Variants in CD36 observed in about 807,000 individuals in gnomAD.
The protein encoded by CD36 is CD36 molecule (CD36 blood group), also known as platelet glycoprotein 4.
In CD36, 119 loss-of-function variants were observed where a neutral mutation model predicts 55.2. That is an observed-to-expected ratio of 2.15 (90% CI 1.86 to 2.51). The LOEUF is 2.51. Ranked by LOEUF, CD36 falls within the 30% of genes most tolerant of loss-of-function variation. CD36 has a pLI of 0.00. For synonymous variants in CD36, 186 were observed against 193.6 expected, an observed-to-expected ratio of 0.96 and a Z score of 0.33; for missense variants, 819 against 555.5, an observed-to-expected ratio of 1.47 and a Z score of -4.77.
chr7:80,610,186 C>G (rs901295568), intron 1 of CD36, among the ~76,000 whole-genome samples: 9 of 152,156 alleles, frequency 5.9e-5, no homozygotes, highest in African/African-American at 2.2e-4. Context: ...AAATGTTTAA[C>G]TTGGTATTCA....
intron 1 of CD36, among the ~76,000 whole-genome samples, chr7:80,631,527 G>C (rs960668345): frequency 1.3e-5 from 2 of 151,386 alleles, no homozygotes; most frequent in Non-Finnish European, 2.9e-5. Flanking sequence ...CAAAGTGAAG[G>C]TTTTACTCTA....
chr7:80,619,356 T>C (rs1793330691), intron 1 of CD36, among the ~76,000 whole-genome samples: 1 of 152,168 alleles, frequency 6.6e-6, no homozygotes, highest in Admixed American at 6.5e-5. Flanking sequence ...CAACATCAGT[T>C]TTATAGCCCA....
intron 3 of CD36, among the ~76,000 whole-genome samples, chr7:80,653,992 C>T (rs1263464709): frequency 6.6e-6 from 1 of 152,132 alleles, no homozygotes; most frequent in Non-Finnish European, 1.5e-5. Context: ...CTCTAGAACC[C>T]ATTTTCCACC....
At chr7:80,648,899 T>C (rs1350540412) in intron 3 of CD36, among the ~76,000 whole-genome samples, 2 of 151,992 alleles carry the variant, frequency 1.3e-5, no homozygotes, top group Non-Finnish European at 2.9e-5. Context: ...GCAGTGAAGA[T>C]GGAAGGAAGA....
intron 1 of CD36, among the ~76,000 whole-genome samples, chr7:80,644,549 C>T (rs868473160): frequency 6.6e-6 from 1 of 152,072 alleles, no homozygotes; most frequent in Non-Finnish European, 1.5e-5. Flanking sequence ...AACATTTATT[C>T]CTACATTTTG....
chr7:80,640,676 A>G (rs1794743432), intron 1 of CD36, among the ~76,000 whole-genome samples: 1 of 152,054 alleles, frequency 6.6e-6, no homozygotes, highest in South Asian at 2.1e-4. Context: ...GAATGGGTCT[A>G]GATAATACTC....
chr7:80,666,532 C>T, intron 8 of CD36, 43 bp downstream of exon 8: 1 of 1,429,818 alleles, frequency 7.0e-7, no homozygotes, highest in Non-Finnish European at 9.9e-7. Flanking sequence ...AATCCACCTC[C>T]CTTTCCCACA....
chr7:80,645,089 C>T lies in CD36; in HGVS notation c.-183-999C>T, dbSNP rs1328967207. Among the ~76,000 whole-genome samples, 5 of 150,274 alleles carry T rather than the reference C, an allele frequency of 3.3e-5. No homozygotes were observed. In the East Asian group the frequency reaches 1.0e-3, roughly 30 times the overall value. On this transcript the variant is annotated intron_variant, in intron 1 of 14. Coordinates refer to ENST00000447544, the MANE Select transcript of CD36 (RefSeq NM_001001548.3). ...AGGCTGGAGTGCAATGGCATGATCTCGGCTCACCGCAACCTCCGCCTCCTG... is the reference window on the plus strand; with the variant it reads ...AGGCTGGAGTGCAATGGCATGATCTTGGCTCACCGCAACCTCCGCCTCCTG...
intron 1 of CD36, among the ~76,000 whole-genome samples, chr7:80,627,607 TA>T (rs923324016): frequency 6.6e-6 from 1 of 151,056 alleles, no homozygotes; most frequent in Admixed American, 6.6e-5. Flanking sequence ...GATTGGCATG[TA>T]AAAAAAAATT....
intron 1 of CD36, among the ~76,000 whole-genome samples, chr7:80,609,252 C>T (rs1316093085): frequency 3.3e-5 from 5 of 152,114 alleles, no homozygotes; most frequent in Admixed American, 1.3e-4. Context: ...TACACTGTAC[C>T]GAATCCTTAC....
At position 80,676,978 on chromosome 7, in the gene CD36, G is replaced by C. The variant is rs1798185527; in HGVS notation, c.*595G>C. 6.6e-6 allele frequency: 1 copy of C among 151,990 alleles called. No individual in the cohort carries two copies. The highest frequency in any genetic ancestry group is 1.5e-5 in the Non-Finnish European group (1 of 67,988). 9.4% of individuals were successfully genotyped at this position (151,990 alleles called of 1,614,324 possible). On this transcript the variant is annotated 3_prime_UTR_variant, in exon 15 of 15. Coordinates refer to ENST00000447544, the MANE Select transcript of CD36 (RefSeq NM_001001548.3). The stretch of plus-strand genomic sequence containing the variant: ...CTGTCATAATCGCCTCATAAAGACA[G>C]GTTTCAACCATTAAAATATGTTCTT...
intron 1 of CD36, among the ~76,000 whole-genome samples, chr7:80,621,422 A>C (rs1236037282): frequency 6.6e-6 from 1 of 152,198 alleles, no homozygotes; most frequent in African/African-American, 2.4e-5. Flanking sequence ...TGTGACTAGC[A>C]ATAATTTATA....
At chr7:80,642,236 T>G (rs1163048919) in intron 1 of CD36, among the ~76,000 whole-genome samples, 1 of 152,164 alleles carries the variant, frequency 6.6e-6, no homozygotes, top group Admixed American at 6.6e-5. Context: ...TATCAATATC[T>G]TGTCTGTTTC....
chr7:80,634,178 G>C, upstream of CD36, among the ~76,000 whole-genome samples: 1 of 152,010 alleles, frequency 6.6e-6, no homozygotes, highest in Non-Finnish European at 1.5e-5. Flanking sequence ...GCCTAGTAAG[G>C]AGAGATGATT....
intron 5 of CD36, chr7:80,662,578 C>G (rs1796627376): frequency 4.0e-6 from 1 of 249,900 alleles, no homozygotes; most frequent in Non-Finnish European, 8.0e-6. Context: ...TGGGACCAGA[C>G]TTATGGCTTT....
At chr7:80,612,863 T>C (rs1288200412) in intron 1 of CD36, among the ~76,000 whole-genome samples, 1 of 152,148 alleles carries the variant, frequency 6.6e-6, no homozygotes, top group Non-Finnish European at 1.5e-5. Context: ...ACACTTTATA[T>C]CCACTAAGCA....
chr7:80,632,330 T>C (rs1259068609), intron 1 of CD36, among the ~76,000 whole-genome samples: 2 of 151,890 alleles, frequency 1.3e-5, no homozygotes, highest in Non-Finnish European at 2.9e-5. Flanking sequence ...TTTAAATTAT[T>C]TTTGTATGCT....
rs1277109263 is a variant in CD36 at position 80,677,476 on chromosome 7, G to A, written c.*1093G>A. 6.6e-6 allele frequency: 1 copy of A among 152,116 alleles called. No individual in the cohort carries two copies. Among genetic ancestry groups the A allele is most frequent in the South Asian group, 2.1e-4 (1 of 4,830 alleles). 9.4% of individuals were successfully genotyped at this position (152,116 alleles called of 1,614,324 possible). On this transcript the variant is annotated 3_prime_UTR_variant, in exon 15 of 15. Coordinates refer to ENST00000447544, the MANE Select transcript of CD36 (RefSeq NM_001001548.3). ...CCTCCTCCTTATGATAGCCGCCAGA[G>A]TAAATGTTGAGCATTACTACAGAAA... is the stretch of plus-strand genomic sequence containing the variant.
At position 80,646,177 on chromosome 7, in the gene CD36, A is replaced by G. The variant is rs1400281561; in HGVS notation, c.-94A>G. 6.4e-6 allele frequency: 1 copy of G among 155,660 alleles called. No individual in the cohort carries two copies. Among genetic ancestry groups the G allele is most frequent in the Non-Finnish European group, 1.4e-5 (1 of 70,050 alleles). The allele number at this position is 155,660 out of a possible 1,614,324, so 9.6% of individuals were successfully genotyped here. ...TTCATGTCTTGCTGTTGATTTGTGA[A>G]TAAGGTATCGTAAATAAAACATCTG... On this transcript the variant is annotated 5_prime_UTR_variant, in exon 2 of 15. Transcript: ENST00000447544.
Sources: allele counts gnomAD v4.1 joint callset (sites outside exome capture counted in the v4.1 genomes callset), GRCh38; gene constraint gnomAD v4.1.1; transcripts MANE v1.5; gene names NCBI Gene and HGNC (gene_info 2026-07-23, HGNC 2026-07-21).